The following ZNF800 variants were observed in gnomAD, a reference collection of about 807,000 sequenced individuals.
The protein encoded by ZNF800 is zinc finger protein 800.
A neutral mutation model predicts 59.5 loss-of-function variants in ZNF800; 13 were observed. The ratio of observed to expected loss-of-function variants is 0.22; its 90% CI spans 0.14 to 0.35. ZNF800 has a LOEUF of 0.35. Among genes scored for constraint, ZNF800 ranks in the 10% least tolerant of loss-of-function variants. ZNF800 has a pLI of 1.00. For missense variants in ZNF800, 621 were observed against 783.7 expected, an observed-to-expected ratio of 0.79 and a Z score of 2.48; for synonymous variants, 266 against 265.7, an observed-to-expected ratio of 1.00 and a Z score of -0.01.
chr7:127,362,019 G>A (rs564959032), intron 1 of ZNF800: 13 of 152,164 alleles, frequency 8.5e-5, no homozygotes, highest in African/African-American at 2.9e-4. Context: ...CATAGTGAAG[G>A]CCCTATAAAA....
rs534130670 is a variant in ZNF800 at position 127,373,192 on chromosome 7, C to T, written c.1994+150G>A. On this transcript the variant is annotated intron_variant, in intron 5 of 5. Transcript: ENST00000265827. ...ATAAAGGTCACTGAAGAGGTAAATGCAATATGCACATTACTCTTGCAGTTC... is the reference window on the plus strand; with the variant it reads ...ATAAAGGTCACTGAAGAGGTAAATGTAATATGCACATTACTCTTGCAGTTC... The T allele has an allele frequency of 6.2e-5, 90 of 1,440,928 alleles. No homozygotes were observed. The African/African-American group carries it at 1.2e-3, about 19-fold the overall frequency. 89.3% of individuals were successfully genotyped at this position (1,440,928 alleles called of 1,614,324 possible).
At chr7:127,379,847 C>A (rs375842591) in intron 3 of ZNF800, among the ~76,000 whole-genome samples, 1 of 48,340 alleles carries the variant, frequency 2.1e-5, no homozygotes, top group Non-Finnish European at 4.1e-5. Context: ...CCCCCCCACC[C>A]CCCCACCCCC....
chr7:127,380,229 G>A (rs943296755), intron 3 of ZNF800, among the ~76,000 whole-genome samples: 1 of 151,070 alleles, frequency 6.6e-6, no homozygotes, highest in Non-Finnish European at 1.5e-5. Flanking sequence ...TTTCCATATC[G>A]CCATTAAACT....
intron 1 of ZNF800, among the ~76,000 whole-genome samples, chr7:127,353,791 G>A (rs1031397036): frequency 1.1e-4 from 16 of 151,990 alleles, no homozygotes; most frequent in African/African-American, 3.4e-4. Flanking sequence ...GGTTCTGACA[G>A]GCTCTATTTT....
chr7:127,392,268 C>T lies in ZNF800; in HGVS notation c.-267G>A, dbSNP rs893422483. On this transcript the variant is annotated 5_prime_UTR_variant, in exon 1 of 6. Coordinates refer to ENST00000265827, the MANE Select transcript of ZNF800 (RefSeq NM_176814.5). ...AAGCGCCACAGCTCACCACGTCCCT[C>T]CGCGGGCCGAGACGACTGCGGCGGC... 1.0e-5 allele frequency: 4 copies of T among 392,600 alleles called. No homozygotes were observed. Among genetic ancestry groups the T allele is most frequent in the African/African-American group, 2.1e-5 (1 of 48,298 alleles). The allele number at this position is 392,600 out of a possible 1,614,324, so 24.3% of individuals were successfully genotyped here. A position where few individuals can be genotyped will look rare whatever the true frequency, so the allele number is the denominator to read the frequency against.
chr7:127,352,965 T>C (rs920583104), intron 1 of ZNF800, among the ~76,000 whole-genome samples: 4 of 150,186 alleles, frequency 2.7e-5, no homozygotes, highest in Non-Finnish European at 4.4e-5. Context: ...AGGAACAAAA[T>C]ATAGTGTTTT....
At chr7:127,344,012 T>G (rs1800014727), downstream of ZNF800, among the ~76,000 whole-genome samples, 1 of 151,956 alleles carries the variant, frequency 6.6e-6, no homozygotes, top group South Asian at 2.1e-4. Flanking sequence ...GAGCTAACAT[T>G]TAAAAGCTGG....
At chr7:127,349,087 T>A (rs1800124869) in intron 1 of ZNF800, among the ~76,000 whole-genome samples, 1 of 152,146 alleles carries the variant, frequency 6.6e-6, no homozygotes. Context: ...TCTGGGCTTT[T>A]GAGAAATGTA....
intron 1 of ZNF800, among the ~76,000 whole-genome samples, chr7:127,354,652 A>G (rs1373456285): frequency 2.6e-5 from 4 of 152,136 alleles, no homozygotes; most frequent in Non-Finnish European, 5.9e-5. Flanking sequence ...GGGTAGGGAA[A>G]AAACTTACCT....
chr7:127,382,371 T>C (rs1161587917), intron 3 of ZNF800, among the ~76,000 whole-genome samples: 11 of 152,170 alleles, frequency 7.2e-5, no homozygotes, highest in Admixed American at 7.2e-4. Context: ...ATTTAATAAA[T>C]ATGTAAAGGT....
At chr7:127,384,224 C>CTTTTTTTTTTT (rs1189051908) in intron 3 of ZNF800, among the ~76,000 whole-genome samples, 1 of 59,242 alleles carries the variant, frequency 1.7e-5, no homozygotes, top group Non-Finnish European at 3.4e-5. Context: ...CTAATTCTAA[C>CTTTTTTTTTTT]TTCTTTTTTT....
intron 2 of ZNF800, among the ~76,000 whole-genome samples, chr7:127,390,433 C>T (rs968659290): frequency 1.4e-4 from 22 of 152,174 alleles, no homozygotes; most frequent in African/African-American, 5.3e-4. Context: ...CAGCAAAGTA[C>T]AGTAGAGATA....
chr7:127,343,678 T>G (rs1414570934), downstream of ZNF800, among the ~76,000 whole-genome samples: 1 of 151,902 alleles, frequency 6.6e-6, no homozygotes. Context: ...TTCAAAAATG[T>G]AAAACTACAA....
rs545371909 is a variant in ZNF800 at position 127,392,309 on chromosome 7, C to G, written c.-308G>C. The G allele has an allele frequency of 1.0e-4, 40 of 387,362 alleles. No homozygotes were observed. The highest frequency in any genetic ancestry group is 7.3e-4 in the African/African-American group (35 of 48,164). The allele number at this position is 387,362 out of a possible 1,614,324, so 24.0% of individuals were successfully genotyped here. Reference sequence around the variant, plus strand: ...CTGCGGCGGCGGCTCACGGCGTCCTCCGCGCTGTGTGGCTAGGCGGGAGGC... The same window carrying G: ...CTGCGGCGGCGGCTCACGGCGTCCTGCGCGCTGTGTGGCTAGGCGGGAGGC... On this transcript the variant is annotated 5_prime_UTR_variant, in exon 1 of 6. Coordinates refer to ENST00000265827, the MANE Select transcript of ZNF800 (RefSeq NM_176814.5).
intron 2 of ZNF800, among the ~76,000 whole-genome samples, chr7:127,387,753 T>C (rs1009163872): frequency 2.6e-5 from 4 of 151,812 alleles, no homozygotes; most frequent in African/African-American, 9.7e-5. Flanking sequence ...CCTAGTTACG[T>C]GGGAGGCTGA....
intron 3 of ZNF800, among the ~76,000 whole-genome samples, chr7:127,384,319 C>T (rs1320369786): frequency 1.4e-5 from 2 of 144,872 alleles, no homozygotes; most frequent in African/African-American, 5.1e-5. Context: ...CTGCAAGCTC[C>T]CCCTCCCGGG....
At chr7:127,348,158 G>T (rs1800105151) in intron 1 of ZNF800, 1 of 152,116 alleles carries the variant, frequency 6.6e-6, no homozygotes, top group East Asian at 1.9e-4. Flanking sequence ...GCAGACCCAC[G>T]GGCAGTGCGG....
intron 1 of ZNF800, chr7:127,362,820 A>G (rs1255527357): frequency 6.6e-6 from 1 of 152,174 alleles, no homozygotes; most frequent in African/African-American, 2.4e-5. Flanking sequence ...CAAGCGATGA[A>G]CATACAGTAA....
At chr7:127,381,746 C>A (rs1215638169) in intron 3 of ZNF800, among the ~76,000 whole-genome samples, 3 of 151,832 alleles carry the variant, frequency 2.0e-5, no homozygotes, top group Non-Finnish European at 4.4e-5. Context: ...AAAAAAGTCC[C>A]ATTTTAAATT....
Sources: allele counts gnomAD v4.1 joint callset (sites outside exome capture counted in the v4.1 genomes callset), GRCh38; gene constraint gnomAD v4.1.1; transcripts MANE v1.5; gene names NCBI Gene and HGNC (gene_info 2026-07-23, HGNC 2026-07-21).